The following ADAMTSL1 variants were observed in gnomAD, a reference collection of about 807,000 sequenced individuals.
The protein encoded by ADAMTSL1 is ADAMTS like 1, also known as ADAMTS-like protein 1.
A neutral mutation model predicts 201.8 loss-of-function variants in ADAMTSL1; 126 were observed. That is an observed-to-expected ratio of 0.62 (90% CI 0.54 to 0.72). The LOEUF (loss-of-function observed/expected upper bound fraction) is 0.72, where lower values mean the gene tolerates loss of function less well. ADAMTSL1 is among the 30% of genes least tolerant of loss of function. ADAMTSL1 has a pLI of 0.00. For missense variants in ADAMTSL1, 2,679 were observed against 2,277.8 expected (o/e 1.18, Z -3.59); for synonymous variants, 1,121 against 903.4 (o/e 1.24, Z -4.32).
At chr9:18,153,155 A>G (rs1254008666) in intron 1 of ADAMTSL1, among the ~76,000 whole-genome samples, 1 of 152,058 alleles carries the variant, frequency 6.6e-6, no homozygotes, top group Non-Finnish European at 1.5e-5. Flanking sequence ...GCAGTCAGCT[A>G]TGATCCACGT....
intron 2 of ADAMTSL1, among the ~76,000 whole-genome samples, chr9:18,288,814 A>G (rs989657516): frequency 3.3e-5 from 5 of 152,244 alleles, no homozygotes; most frequent in African/African-American, 1.2e-4. Flanking sequence ...GACAAGAACC[A>G]GAAACAAAGA....
chr9:18,237,912 T>C (rs2132435936), intron 2 of ADAMTSL1, among the ~76,000 whole-genome samples: 1 of 152,372 alleles, frequency 6.6e-6, no homozygotes, highest in South Asian at 2.1e-4. Flanking sequence ...GGTTCGTTCT[T>C]TGAACGTTTC....
chr9:18,434,430 T>C (rs1819634253), intron 2 of ADAMTSL1, among the ~76,000 whole-genome samples: 1 of 152,186 alleles, frequency 6.6e-6, no homozygotes, highest in Non-Finnish European at 1.5e-5. Context: ...GTATACACTC[T>C]GTAGTAAAGA....
intron 1 of ADAMTSL1, among the ~76,000 whole-genome samples, chr9:17,923,120 G>A (rs1461626311): frequency 6.6e-6 from 1 of 152,092 alleles, no homozygotes; most frequent in Non-Finnish European, 1.5e-5. Context: ...ACTTGGCAAT[G>A]CGGGCTCTTT....
chr9:17,954,601 C>A (rs139254267), intron 1 of ADAMTSL1, among the ~76,000 whole-genome samples: 1 of 152,194 alleles, frequency 6.6e-6, no homozygotes, highest in Non-Finnish European at 1.5e-5. Flanking sequence ...AATTGTGTAA[C>A]TTGGTGAGGC....
At chr9:17,918,429 T>A (rs1826185234) in intron 1 of ADAMTSL1, among the ~76,000 whole-genome samples, 1 of 151,846 alleles carries the variant, frequency 6.6e-6, no homozygotes, top group South Asian at 2.1e-4. Flanking sequence ...TTTCTAAATA[T>A]TTGGGGATTA....
At chr9:18,744,906 T>C (rs147561809) in intron 15 of ADAMTSL1, among the ~76,000 whole-genome samples, 199 of 152,322 alleles carry the variant, frequency 1.3e-3, no homozygotes, top group African/African-American at 4.5e-3. Flanking sequence ...TGATGTTTTC[T>C]TGTGATTTTT....
intron 4 of ADAMTSL1, among the ~76,000 whole-genome samples, chr9:18,617,773 C>A (rs929022410): frequency 1.3e-5 from 2 of 152,086 alleles, no homozygotes; most frequent in Admixed American, 1.3e-4. Context: ...TTTTGCCTTT[C>A]TTTAAATTTT....
chr9:18,457,647 T>A (rs1587271314), intron 2 of ADAMTSL1, among the ~76,000 whole-genome samples: 1 of 152,184 alleles, frequency 6.6e-6, no homozygotes, highest in Non-Finnish European at 1.5e-5. Context: ...AGAATTTCTA[T>A]ATGAGGTGTT....
At chr9:18,798,193 C>T (rs1317807283) in intron 20 of ADAMTSL1, among the ~76,000 whole-genome samples, 2 of 151,952 alleles carry the variant, frequency 1.3e-5, no homozygotes, top group Non-Finnish European at 2.9e-5. Flanking sequence ...CCTGCATTTA[C>T]CAGATGCAGG....
At position 18,910,314 on chromosome 9, in the gene ADAMTSL1, G is replaced by T. The variant is rs188453950; in HGVS notation, c.*1766G>T. The T allele has an allele frequency of 2.0e-5, 3 of 152,256 alleles. No individual in the cohort carries two copies. The highest frequency in any genetic ancestry group is 7.2e-5 in the African/African-American group (3 of 41,552). 9.4% of individuals were successfully genotyped at this position (152,256 alleles called of 1,614,324 possible). ...TTTTCTATGTCTGTATATCTTTTGT[G>T]AATATTTATTAGGATTTCTTATTAA... On this transcript the variant is annotated 3_prime_UTR_variant, in exon 29 of 29. Transcript: ENST00000380548.
intron 2 of ADAMTSL1, among the ~76,000 whole-genome samples, chr9:18,361,205 C>G (rs1268369486): frequency 6.6e-6 from 1 of 152,008 alleles, no homozygotes; most frequent in Non-Finnish European, 1.5e-5. Flanking sequence ...ATCTAGGGTT[C>G]TTTTCCAATA....
chr9:18,578,818 T>C (rs1363029323), intron 4 of ADAMTSL1, among the ~76,000 whole-genome samples: 1 of 151,180 alleles, frequency 6.6e-6, no homozygotes, highest in African/African-American at 2.4e-5. Context: ...ACTTCCACAA[T>C]GGTTGAACTA....
At chr9:18,298,914 A>T (rs1203855760) in intron 2 of ADAMTSL1, among the ~76,000 whole-genome samples, 1 of 151,780 alleles carries the variant, frequency 6.6e-6, no homozygotes, top group Non-Finnish European at 1.5e-5. Flanking sequence ...GGAGAGGCTG[A>T]GGCAGGAGAA....
At chr9:17,959,717 A>G (rs1457650544) in intron 1 of ADAMTSL1, among the ~76,000 whole-genome samples, 2 of 152,102 alleles carry the variant, frequency 1.3e-5, no homozygotes, top group African/African-American at 4.8e-5. Context: ...TGGTCTCCCA[A>G]AGTGCTGGGA....
intron 2 of ADAMTSL1, among the ~76,000 whole-genome samples, chr9:18,338,121 A>G (rs889790821): frequency 6.6e-6 from 1 of 152,096 alleles, no homozygotes; most frequent in Admixed American, 6.5e-5. Context: ...CCTCAGAGCT[A>G]CTTTCAGCAT....
chr9:18,005,370 C>A (rs549274157), intron 1 of ADAMTSL1, among the ~76,000 whole-genome samples: 1 of 152,154 alleles, frequency 6.6e-6, no homozygotes, highest in East Asian at 1.9e-4. Flanking sequence ...TGAGCACCTA[C>A]TGTGATCTTT....
At chr9:18,414,127 A>T (rs1332500202) in intron 2 of ADAMTSL1, among the ~76,000 whole-genome samples, 2 of 152,230 alleles carry the variant, frequency 1.3e-5, no homozygotes, top group African/African-American at 4.8e-5. Context: ...TGAGTGTAAT[A>T]ACGTCTCTAA....
intron 19 of ADAMTSL1, among the ~76,000 whole-genome samples, chr9:18,789,044 T>C (rs1821874247): frequency 6.6e-6 from 1 of 152,202 alleles, no homozygotes; most frequent in Non-Finnish European, 1.5e-5. Flanking sequence ...TCCTCCCTGG[T>C]CCCATGCACA....
Sources: allele counts gnomAD v4.1 joint callset (sites outside exome capture counted in the v4.1 genomes callset), GRCh38; gene constraint gnomAD v4.1.1; transcripts MANE v1.5; gene names NCBI Gene and HGNC (gene_info 2026-07-23, HGNC 2026-07-21).